TMIGD3: variants seen among roughly 807,000 people sequenced by gnomAD.
The protein encoded by TMIGD3 is AD026 protein (AD026).
TMIGD3 carries 21 observed loss-of-function variants against 28.1 expected under a neutral mutation model. The observed-to-expected ratio is 0.75, with a 90% confidence interval of 0.53 to 1.08. TMIGD3 has a LOEUF of 1.08. Among genes scored for constraint, TMIGD3 ranks in the 50% least tolerant of loss-of-function variants. The probability of loss-of-function intolerance (pLI) is 0.00; values close to 1 mark genes in which losing one functional copy is unlikely to be tolerated. For missense variants in TMIGD3, 416 were observed against 435.6 expected, an observed-to-expected ratio of 0.96 and a Z score of 0.40; for synonymous variants, 151 against 162.1, an observed-to-expected ratio of 0.93 and a Z score of 0.52.
intron 1 of TMIGD3, among the ~76,000 whole-genome samples, chr1:111,525,177 T>A (rs954098741): frequency 3.3e-5 from 5 of 152,230 alleles, no homozygotes; most frequent in Non-Finnish European, 7.3e-5. Flanking sequence ...ACTGCCAGTT[T>A]GGCCTAGTTT....
intron 1 of TMIGD3, among the ~76,000 whole-genome samples, chr1:111,556,959 A>C (rs1249582481): frequency 1.3e-5 from 2 of 152,116 alleles, no homozygotes; most frequent in Admixed American, 1.3e-4. Context: ...GGGGAAAAAT[A>C]ATGGTTGAGA....
intron 1 of TMIGD3, among the ~76,000 whole-genome samples, chr1:111,535,403 T>A (rs144522132): frequency 4.6e-5 from 7 of 152,328 alleles, no homozygotes; most frequent in African/African-American, 1.2e-4. Context: ...TCAGGCACCA[T>A]CTGATTAGAT....
rs908413284 is a variant in TMIGD3 at position 111,560,444 on chromosome 1, A to G, written c.107+3402T>C. 1.4e-4 allele frequency among the ~76,000 whole-genome samples: 17 copies of G among 125,324 alleles called. 1 individual carries two copies. The highest frequency in any genetic ancestry group is 1.6e-5 in the Non-Finnish European group (1 of 63,292). 82.2% of individuals were successfully genotyped at this position (125,324 alleles called of 152,430 possible). ...AATAGACTTTGTGGAACAGATTGAA[A>G]GAAGCCCTTGGTAGCAGGTACACAA... On this transcript the variant is annotated intron_variant, in intron 1 of 5. Transcript: ENST00000369717.
intron 1 of TMIGD3, chr1:111,499,505 A>C: frequency 1.0e-6 from 1 of 999,946 alleles, no homozygotes; most frequent in Non-Finnish European, 1.2e-6. Context: ...AACTCAGTTT[A>C]TTTTTTCTGT....
At chr1:111,510,751 T>C (rs1655661816) in intron 1 of TMIGD3, among the ~76,000 whole-genome samples, 1 of 151,716 alleles carries the variant, frequency 6.6e-6, no homozygotes, top group Non-Finnish European at 1.5e-5. Context: ...TTAGAAGGAG[T>C]ACGCGTTTAT....
At chr1:111,497,273 G>A (rs1335386640) in intron 1 of TMIGD3, among the ~76,000 whole-genome samples, 11 of 152,102 alleles carry the variant, frequency 7.2e-5, no homozygotes, top group East Asian at 1.9e-4. Flanking sequence ...ACCACGCCCG[G>A]CTAATTTTTT....
chr1:111,488,311 C>T (rs368989693), intron 3 of TMIGD3, among the ~76,000 whole-genome samples: 3 of 152,192 alleles, frequency 2.0e-5, no homozygotes, highest in South Asian at 2.1e-4. Flanking sequence ...CAACCTCTGC[C>T]GCCTGGTTCA....
chr1:111,545,832 G>T (rs535344475), intron 1 of TMIGD3, among the ~76,000 whole-genome samples: 1 of 152,172 alleles, frequency 6.6e-6, no homozygotes, highest in East Asian at 1.9e-4. Flanking sequence ...TTCATTCTTT[G>T]ATATGTAGAT....
At chr1:111,519,284 G>A (rs1318349243) in intron 1 of TMIGD3, among the ~76,000 whole-genome samples, 1 of 152,146 alleles carries the variant, frequency 6.6e-6, no homozygotes, top group Non-Finnish European at 1.5e-5. Context: ...TGTCCCCTGA[G>A]TGTGCTATGA....
At chr1:111,559,802 G>C (rs1003021298) in intron 1 of TMIGD3, among the ~76,000 whole-genome samples, 2 of 152,150 alleles carry the variant, frequency 1.3e-5, no homozygotes, top group Non-Finnish European at 2.9e-5. Context: ...TAGCTATGAG[G>C]TGGCTTCAAA....
In TMIGD3 at chr1:111,515,045, G is replaced by T. The variant is rs1655812750; in HGVS notation, c.108-24283C>A. On this transcript the variant is annotated intron_variant, in intron 1 of 5. Transcript: ENST00000369717. The stretch of plus-strand genomic sequence containing the variant: ...CCAGCCGCCTGTGTTACACTGCCTG[G>T]AACCCCACATTGAATCCAACTGCAA... Among the ~76,000 whole-genome samples the T allele has an allele frequency of 2.0e-5, 3 of 152,194 alleles. No individual in the cohort carries two copies. The South Asian group carries it at 6.2e-4, about 32-fold the overall frequency.
intron 1 of TMIGD3, among the ~76,000 whole-genome samples, chr1:111,512,571 A>G (rs1412909263): frequency 2.0e-5 from 3 of 152,254 alleles, no homozygotes. Context: ...AGCAGTTAGC[A>G]CAGCACTTGG....
chr1:111,512,134 C>T (rs1004146993), intron 1 of TMIGD3, among the ~76,000 whole-genome samples: 1 of 152,262 alleles, frequency 6.6e-6, no homozygotes, highest in Non-Finnish European at 1.5e-5. Context: ...ACAGCTGACC[C>T]TTCCTTCTTC....
Position 111,503,442 on chromosome 1 carries a change from C to T in TMIGD3, c.-88G>A. The T allele has an allele frequency of 6.7e-7, 1 of 1,494,770 alleles. No individual in the cohort carries two copies. The highest frequency in any genetic ancestry group is 2.4e-5 in the East Asian group (1 of 40,852). 92.6% of individuals were successfully genotyped at this position (1,494,770 alleles called of 1,614,324 possible). ...AGTGGGCCTAGCTCTCGCCAGACGT[C>T]TTCCCAGAGGTCCATGTGCAGTGAC... On this transcript the variant is annotated 5_prime_UTR_variant, in exon 1 of 6. Transcript: ENST00000369716.
chr1:111,505,087 A>C (rs1024853367), upstream of TMIGD3: 14 of 758,120 alleles, frequency 1.8e-5, no homozygotes, highest in Non-Finnish European at 2.1e-5. Flanking sequence ...CAGAGAAGGA[A>C]GTTACCAAGA....
chr1:111,517,819 G>T (rs908194219), intron 1 of TMIGD3, among the ~76,000 whole-genome samples: 1 of 152,108 alleles, frequency 6.6e-6, no homozygotes, highest in Non-Finnish European at 1.5e-5. Flanking sequence ...TTTCTGTTTG[G>T]TGTGTTCCCC....
intron 1 of TMIGD3, among the ~76,000 whole-genome samples, chr1:111,554,609 TAA>T (rs1183904107): frequency 6.6e-6 from 1 of 152,150 alleles, no homozygotes; most frequent in African/African-American, 2.4e-5. Context: ...AGTGAATAAT[TAA>T]AAGAGACACA....
rs569569059 is a variant in TMIGD3, at chr1:111,494,907, A to G, written c.351-4145T>C. 1.6e-3 allele frequency among the ~76,000 whole-genome samples: 237 copies of G among 152,338 alleles called. 1 individual carries two copies. The highest frequency in any genetic ancestry group is 5.5e-3 in the African/African-American group (230 of 41,576). ...ACAAGCAGTGGGGAAAAGACTCCCTATTCAATAAATGGTGCTAGGATAACT... is the reference window on the plus strand; with the variant it reads ...ACAAGCAGTGGGGAAAAGACTCCCTGTTCAATAAATGGTGCTAGGATAACT... On this transcript the variant is annotated intron_variant, in intron 1 of 5. Transcript: ENST00000369716.
At chr1:111,518,919 TTTTG>T (rs199508412) in intron 1 of TMIGD3, among the ~76,000 whole-genome samples, 1,533 of 152,164 alleles carry the variant, frequency 0.01, 19 homozygotes, top group African/African-American at 0.034. Flanking sequence ...TATTTTCATT[TTTTG>T]TTTGTTTGTT....
Sources: gnomAD v4.1 joint callset for allele counts (sites outside exome capture counted in the v4.1 genomes callset) on GRCh38, gnomAD v4.1.1 for gene constraint, MANE v1.5 for transcripts, NCBI Gene and HGNC (gene_info 2026-07-23, HGNC 2026-07-21) for gene names.